Variants in NUDT22 observed in about 807,000 individuals in gnomAD.
NUDT22 encodes nudix hydrolase 22, also known as uridine diphosphate glucose pyrophosphatase NUDT22.
In NUDT22, 23 loss-of-function variants were observed where a neutral mutation model predicts 28.8. The ratio of observed to expected loss-of-function variants is 0.80; its 90% CI spans 0.58 to 1.13. NUDT22 has a LOEUF of 1.13. Ranked by LOEUF, NUDT22 falls within the 50% of genes most tolerant of loss-of-function variation. NUDT22 has a pLI of 0.00. For missense variants in NUDT22, 358 were observed against 387.3 expected, an observed-to-expected ratio of 0.92 and a Z score of 0.64; for synonymous variants, 175 against 173.7, an observed-to-expected ratio of 1.01 and a Z score of -0.06.
At chr11:64,230,155 T>C (rs1947151649), downstream of NUDT22, 2 of 824,822 alleles carry the variant, frequency 2.4e-6, no homozygotes, top group African/African-American at 1.7e-5. Context: ...GGATAAGAAC[T>C]GTGCCTCCCT....
chr11:64,227,096 GCTGGTGGACGTAC>G lies in NUDT22; in HGVS notation c.452_464del (p.Asp151GlyfsTer40). Reference sequence around the variant, plus strand: ...CCCGGCAGGTGGCTGAGGCCCCTGGGCTGGTGGACGTACCTGGTGGGCACCCTGAGCCTCAGGT... The same window carrying G: ...CCCGGCAGGTGGCTGAGGCCCCTGGGCTGGTGGGCACCCTGAGCCTCAGGT... On this transcript the variant is annotated frameshift_variant, in exon 2 of 6. Coordinates refer to ENST00000279206, the MANE Select transcript of NUDT22 (RefSeq NM_032344.4). LOFTEE classifies it high-confidence loss of function. 1 of 1,596,176 alleles carries G rather than the reference GCTGGTGGACGTAC, an allele frequency of 6.3e-7. No homozygotes were observed. The highest frequency in any genetic ancestry group is 8.5e-7 in the Non-Finnish European group (1 of 1,175,726).
At chr11:64,230,094 G>T, downstream of NUDT22, 311 of 720,924 alleles carry the variant, frequency 4.3e-4, no homozygotes, top group Middle Eastern at 9.2e-4. Context: ...AGTGACTTGG[G>T]AAAAAAAAAA....
chr11:64,229,687 A>G (rs998456554), intron 5 of NUDT22, 116 bp downstream of exon 5: 74 of 1,349,214 alleles, frequency 5.5e-5, no homozygotes, highest in Middle Eastern at 1.8e-4. Context: ...CAGAGTCACA[A>G]GATTTGCCCT....
intron 2 of NUDT22, 119 bp downstream of exon 2, chr11:64,227,251 T>G: frequency 7.6e-7 from 1 of 1,316,102 alleles, no homozygotes; most frequent in Non-Finnish European, 1.1e-6. Flanking sequence ...GGCCTGGTAT[T>G]TCTCTGGAAG....
At position 64,229,968 on chromosome 11, in the gene NUDT22, CAG is replaced by C; in HGVS notation, c.891_892del (p.Ala298ProfsTer?). 6.2e-7 allele frequency: 1 copy of C among 1,612,644 alleles called. No individual in the cohort carries two copies. The highest frequency in any genetic ancestry group is 1.1e-5 in the South Asian group (1 of 90,990). On this transcript the variant is annotated frameshift_variant, in exon 6 of 6. Transcript: ENST00000279206. LOFTEE classifies it high-confidence loss of function. ...CCCACTGGAGCGGCCCTAGGGTCCC[CAG>C]CCCTACTCCCGCCGCTCTGAAAATA...
intron 3 of NUDT22, chr11:64,228,971 CAAAAAAAG>C (rs1379021371): frequency 1.8e-5 from 7 of 396,936 alleles, no homozygotes; most frequent in South Asian, 6.5e-5. Flanking sequence ...GACTCCATCT[CAAAAAAAG>C]AAAAAAAGAA....
At chr11:64,227,251 T>A in intron 2 of NUDT22, 119 bp downstream of exon 2, 1 of 1,316,102 alleles carries the variant, frequency 7.6e-7, no homozygotes, top group Non-Finnish European at 1.1e-6. Context: ...GGCCTGGTAT[T>A]TCTCTGGAAG....
In NUDT22 at chr11:64,229,182, C is replaced by T. The variant is rs561568456; in HGVS notation, c.580-65C>T. 39 of 1,143,350 alleles carry T rather than the reference C, an allele frequency of 3.4e-5. No individual in the cohort carries two copies. In the African/African-American group the frequency reaches 4.0e-4, roughly 12 times the overall value. 70.8% of individuals were successfully genotyped at this position (1,143,350 alleles called of 1,614,324 possible). A position where few individuals can be genotyped will look rare whatever the true frequency, so the allele number is the denominator to read the frequency against. ...GGTAACAGGCGGTTTTTCATTGAGACGGGCAGGGATGTGGGCAGTGGCATT... is the reference window on the plus strand; with the variant it reads ...GGTAACAGGCGGTTTTTCATTGAGATGGGCAGGGATGTGGGCAGTGGCATT... On this transcript the variant is annotated intron_variant, in intron 3 of 5. Transcript: ENST00000279206.
chr11:64,227,956 A>C (rs1591068865), intron 3 of NUDT22: 2 of 305,366 alleles, frequency 6.5e-6, no homozygotes, highest in East Asian at 7.9e-5. Flanking sequence ...TGCAAGCTCC[A>C]CCTCCCGGGT....
In NUDT22 at chr11:64,227,682, C is replaced by T; in HGVS notation, c.579+16C>T. ...CTGTGATGAGGTGAGTGAGGTTGAC[C>T]TGGACAGGGTGGTAGACATGAAGGG... is the stretch of plus-strand genomic sequence containing the variant. On this transcript the variant is annotated intron_variant, in intron 3 of 5. Transcript: ENST00000279206. The T allele has an allele frequency of 1.9e-6, 3 of 1,599,898 alleles. No individual in the cohort carries two copies. Among genetic ancestry groups the T allele is most frequent in the Non-Finnish European group, 2.6e-6 (3 of 1,167,168 alleles).
chr11:64,227,563 C>G lies in NUDT22; in HGVS notation c.481-5C>G, dbSNP rs1339640403. On this transcript the variant is annotated splice_region_variant and splice_polypyrimidine_tract_variant and intron_variant, in intron 2 of 5. Transcript: ENST00000279206. ...GGAGCAGGGGCTGAGCCTGACCTCT[C>G]ACAGGCCCTGTGCCCTGGTGGCAGC... 6.2e-7 allele frequency: 1 copy of G among 1,612,124 alleles called. No individual in the cohort carries two copies.
At position 64,226,403 on chromosome 11, in the gene NUDT22, C is replaced by T. The variant is rs773933198; in HGVS notation, c.-43C>T. 6 of 1,315,334 alleles carry T rather than the reference C, an allele frequency of 4.6e-6. No homozygotes were observed. Among genetic ancestry groups the T allele is most frequent in the South Asian group, 2.3e-5 (1 of 43,132 alleles). 81.5% of individuals were successfully genotyped at this position (1,315,334 alleles called of 1,614,324 possible). ...GTTTGGGGGACATGGGCATTTGGGG[C>T]GCCTGAACCCAAGACCTCTGGATGG... On this transcript the variant is annotated 5_prime_UTR_variant, in exon 1 of 6. Transcript: ENST00000279206.
Position 64,227,618 on chromosome 11 carries a change from G to C in NUDT22, c.531G>C (p.Leu177=). The change falls in exon 3 of 6, where the codon CTG becomes CTC. Residue 177 remains leucine, a synonymous_variant. Coordinates refer to ENST00000279206, the MANE Select transcript of NUDT22 (RefSeq NM_032344.4). ...AGCACCAGGACCTCGCTGGGCAGCT[G>C]GTGGTACATGAACTCTTTTCCAGTG... ...SPQHQDLAGQ[L]VVHELFSSVL... 1 of 1,614,102 alleles carries C rather than the reference G, an allele frequency of 6.2e-7. No individual in the cohort carries two copies. The highest frequency in any genetic ancestry group is 8.5e-7 in the Non-Finnish European group (1 of 1,180,010).
In NUDT22 at chr11:64,226,700, GC is replaced by G; in HGVS notation, c.52del (p.Gln18ArgfsTer8). On this transcript the variant is annotated frameshift_variant, in exon 2 of 6. Coordinates refer to ENST00000279206, the MANE Select transcript of NUDT22 (RefSeq NM_032344.4). LOFTEE classifies it high-confidence loss of function. ...TGCTGCAGTGCCCTGGCGGGGGCCT[GC>G]CCCAGGAGCAGATACAGGCCGAGCT... ...LLLQCPGGGL[P>X]QEQIQAELSP... is the part of the protein sequence containing the mutation. 6.2e-7 allele frequency: 1 copy of G among 1,609,198 alleles called. No individual in the cohort carries two copies. Among genetic ancestry groups the G allele is most frequent in the Non-Finnish European group, 8.5e-7 (1 of 1,178,966 alleles).
chr11:64,229,909 C>T lies in NUDT22; in HGVS notation c.831C>T (p.Gly277=), dbSNP rs747325584. 3.8e-5 allele frequency: 62 copies of T among 1,613,218 alleles called. No homozygotes were observed. The highest frequency in any genetic ancestry group is 1.6e-4 in the Middle Eastern group (1 of 6,084). ...CTGAACTCTGCCCCTCGGCCAAAGG[C>T]GCCATCATCCTCTACAACCGGGTTC... The part of the protein sequence containing the change: ...MWAELCPSAK[G]AIILYNRVQG... The change falls in exon 6 of 6, where the codon GGC becomes GGT. Residue 277 remains glycine, a synonymous_variant. Transcript: ENST00000279206.
At chr11:64,229,182 CGGGCAGGGATGT>C (rs1947126090) in intron 3 of NUDT22, 53 bp from the exon 4 acceptor site, 1 of 1,143,226 alleles carries the variant, frequency 8.7e-7, no homozygotes, top group African/African-American at 1.6e-5. Flanking sequence ...TTCATTGAGA[CGGGCAGGGATGT>C]GGGCAGTGGC....
chr11:64,229,600 A>C, intron 5 of NUDT22, 29 bp downstream of exon 5: 1 of 1,601,266 alleles, frequency 6.2e-7, no homozygotes, highest in Non-Finnish European at 8.6e-7. Context: ...TCTTGCTTGG[A>C]GGCCAGGGCT....
chr11:64,226,865 T>A lies in NUDT22; in HGVS notation c.213T>A (p.Ile71=), dbSNP rs752180006. 1 of 1,606,464 alleles carries A rather than the reference T, an allele frequency of 6.2e-7. No homozygotes were observed. Among genetic ancestry groups the A allele is most frequent in the South Asian group, 1.1e-5 (1 of 91,078 alleles). ...TGCACTCAGCCACCCTGGCGCCTAT[T>A]GGCTCTCGGGGGCCACAGCTGCTCC... The part of the protein sequence containing the change: ...FRLHSATLAP[I]GSRGPQLLLR... Residue 71 remains isoleucine, a synonymous_variant, in exon 2 of 6, where the codon ATT becomes ATA. Transcript: ENST00000279206.
chr11:64,229,402 G>A lies in NUDT22; in HGVS notation c.677+58G>A. On this transcript the variant is annotated intron_variant, in intron 4 of 5. Transcript: ENST00000279206. Reference sequence around the variant, plus strand: ...TGGGAAGGTGGGTGGTGAGGAGTGGGCTGAGGCAGCTGTGGCTCCACAGGT... The same window carrying A: ...TGGGAAGGTGGGTGGTGAGGAGTGGACTGAGGCAGCTGTGGCTCCACAGGT... 4 of 1,604,748 alleles carry A rather than the reference G, an allele frequency of 2.5e-6. No homozygotes were observed. The East Asian group carries it at 8.9e-5, about 36-fold the overall frequency.
Sources: allele counts gnomAD v4.1 joint callset, GRCh38; gene constraint gnomAD v4.1.1; transcripts MANE v1.5; gene names NCBI Gene and HGNC (gene_info 2026-07-23, HGNC 2026-07-21).